Variants in CLGN observed in about 807,000 individuals in gnomAD.
CLGN encodes the protein calmegin, also known as testis tissue sperm-binding protein Li 79P.
In CLGN, 62 loss-of-function variants were observed where a neutral mutation model predicts 79.1. The ratio of observed to expected loss-of-function variants is 0.78; its 90% CI spans 0.64 to 0.97. The LOEUF (loss-of-function observed/expected upper bound fraction) is 0.97. Ranked by LOEUF, CLGN falls within the 50% of genes least tolerant of loss-of-function variation. The pLI is 0.00. For missense variants in CLGN, 647 were observed against 715.5 expected (o/e 0.90, Z 1.09); for synonymous variants, 225 against 224.7 (o/e 1.00, Z -0.01).
chr4:140,409,635 T>C (rs1278798424), intron 4 of CLGN, among the ~76,000 whole-genome samples: 3 of 151,988 alleles, frequency 2.0e-5, no homozygotes, highest in Non-Finnish European at 4.4e-5. Context: ...AAAACTAGAT[T>C]AACTGGCTTA....
intron 8 of CLGN, among the ~76,000 whole-genome samples, 168 bp downstream of exon 8, chr4:140,398,683 G>C (rs1028048975): frequency 6.6e-6 from 1 of 151,888 alleles, no homozygotes; most frequent in African/African-American, 2.4e-5. Context: ...AAAAATTACA[G>C]GGAGGGAAGT....
At chr4:140,422,771 A>G (rs899381046) in intron 1 of CLGN, among the ~76,000 whole-genome samples, 1 of 152,098 alleles carries the variant, frequency 6.6e-6, no homozygotes, top group African/African-American at 2.4e-5. Flanking sequence ...AAGCATCACC[A>G]TGCCCAGCTA....
intron 4 of CLGN, 91 bp from the exon 5 acceptor site, chr4:140,406,174 A>T: frequency 1.6e-6 from 2 of 1,280,060 alleles, no homozygotes; most frequent in Non-Finnish European, 2.2e-6. Flanking sequence ...ATTTTTATCC[A>T]GGAAGCCTGA....
chr4:140,401,161 T>C (rs1384992736), intron 6 of CLGN, among the ~76,000 whole-genome samples: 3 of 152,172 alleles, frequency 2.0e-5, no homozygotes, highest in African/African-American at 7.2e-5. Flanking sequence ...CTCTGAAGTA[T>C]GGAGATGATA....
intron 1 of CLGN, among the ~76,000 whole-genome samples, chr4:140,415,463 G>A (rs1291862883): frequency 2.4e-4 from 37 of 152,024 alleles, no homozygotes; most frequent in East Asian, 9.7e-4. Context: ...CCCATCTCAC[G>A]TGCAGAGACA....
intron 1 of CLGN, among the ~76,000 whole-genome samples, chr4:140,418,762 A>C (rs1008173101): frequency 9.3e-5 from 14 of 149,770 alleles, no homozygotes; most frequent in Admixed American, 7.3e-4. Context: ...GTGGGACTGT[A>C]AACTAGTTCA....
intron 7 of CLGN, among the ~76,000 whole-genome samples, chr4:140,399,245 T>G (rs1728952632): frequency 6.6e-6 from 1 of 152,194 alleles, no homozygotes; most frequent in African/African-American, 2.4e-5. Context: ...TAAACTGCAT[T>G]TTTTACAATA....
At position 140,402,023 on chromosome 4, in the gene CLGN, A is replaced by G. The variant is rs1362788649; in HGVS notation, c.463T>C (p.Tyr155His). 4 of 1,586,048 alleles carry G rather than the reference A, an allele frequency of 2.5e-6. No homozygotes were observed. The highest frequency in any genetic ancestry group is 2.6e-6 in the Non-Finnish European group (3 of 1,163,886). The change falls in exon 6 of 15, where the codon TAC becomes CAC. Residue 155 changes from tyrosine (Y) to histidine (H), a missense_variant. Physicochemically the swap from Tyr to His is moderately conservative, Grantham distance 83. Coordinates refer to ENST00000325617, the MANE Select transcript of CLGN (RefSeq NM_004362.3). ...FQDGIDCGGA[Y>H]IKLLADTDDL... The stretch of plus-strand genomic sequence containing the variant: ...TCAGTGTCTGCTAGGAGTTTAATGT[A>G]TGCACCTCCACAATCAATACCATCT...
chr4:140,391,588 A>G (rs2126613031), intron 13 of CLGN, among the ~76,000 whole-genome samples: 1 of 151,934 alleles, frequency 6.6e-6, no homozygotes, highest in Middle Eastern at 3.4e-3. Flanking sequence ...TGAGTTAAAC[A>G]CTGTGCTTCA....
chr4:140,402,103 T>C, intron 5 of CLGN, 37 bp from the exon 6 acceptor site: 4 of 1,023,668 alleles, frequency 3.9e-6, no homozygotes, highest in Non-Finnish European at 5.8e-6. Flanking sequence ...TACTGATAAA[T>C]AAAATTTACT....
Position 140,413,097 on chromosome 4 carries a change from T to G in CLGN, c.-9-10A>C. The G allele has an allele frequency of 6.3e-7, 1 of 1,597,414 alleles. No individual in the cohort carries two copies. Among genetic ancestry groups the G allele is most frequent in the Non-Finnish European group, 8.5e-7 (1 of 1,173,280 alleles). Reference sequence around the variant, plus strand: ...AATGCATATTGATTATCTGTGAAATTAAAAGTAATTAGTGAAAATAAAACA... The same window carrying G: ...AATGCATATTGATTATCTGTGAAATGAAAAGTAATTAGTGAAAATAAAACA... On this transcript the variant is annotated splice_polypyrimidine_tract_variant and intron_variant, in intron 1 of 14. Transcript: ENST00000325617.
intron 1 of CLGN, among the ~76,000 whole-genome samples, chr4:140,420,035 A>T (rs533540604): frequency 6.6e-6 from 1 of 152,172 alleles, no homozygotes; most frequent in South Asian, 2.1e-4. Flanking sequence ...ACATAAAATA[A>T]TACTACTAAT....
At chr4:140,405,704 T>C (rs1729094177) in intron 5 of CLGN, among the ~76,000 whole-genome samples, 2 of 152,172 alleles carry the variant, frequency 1.3e-5, no homozygotes, top group East Asian at 1.9e-4. Context: ...AATAAACAAA[T>C]ATAAATATTA....
chr4:140,410,278 G>A (rs1729185804), intron 3 of CLGN, among the ~76,000 whole-genome samples: 1 of 151,824 alleles, frequency 6.6e-6, no homozygotes, highest in Non-Finnish European at 1.5e-5. Flanking sequence ...TTTGTCATCT[G>A]AACTTAAGAG....
At chr4:140,423,903 C>T (rs1461384845) in intron 1 of CLGN, among the ~76,000 whole-genome samples, 1 of 152,062 alleles carries the variant, frequency 6.6e-6, no homozygotes, top group Non-Finnish European at 1.5e-5. Context: ...TTTGAGTCTT[C>T]TCTCATTTTT....
intron 1 of CLGN, among the ~76,000 whole-genome samples, chr4:140,424,325 C>T (rs1438306628): frequency 2.0e-5 from 3 of 151,990 alleles, no homozygotes; most frequent in Non-Finnish European, 4.4e-5. Flanking sequence ...TTCTTGTTTT[C>T]CTTCTACTAT....
intron 1 of CLGN, among the ~76,000 whole-genome samples, chr4:140,420,348 T>G (rs1729439795): frequency 6.6e-6 from 1 of 152,156 alleles, no homozygotes; most frequent in South Asian, 2.1e-4. Context: ...CACTTTATCT[T>G]GAAAGTTTGT....
intron 4 of CLGN, among the ~76,000 whole-genome samples, chr4:140,408,055 G>A (rs1413820133): frequency 6.6e-6 from 1 of 151,916 alleles, no homozygotes; most frequent in East Asian, 1.9e-4. Context: ...CTTTGACCAA[G>A]CATACAAAAA....
Position 140,389,221 on chromosome 4 carries a change from A to G in CLGN, c.*3T>C. On this transcript the variant is annotated 3_prime_UTR_variant, in exon 15 of 15. Transcript: ENST00000325617. ...TCGGGAATTAAAAATATTTCAATCT[A>G]GTTTAGTCCTTTCGTACTCTTCTTT... The G allele has an allele frequency of 6.2e-7, 1 of 1,610,368 alleles. No individual in the cohort carries two copies. Among genetic ancestry groups the G allele is most frequent in the Non-Finnish European group, 8.5e-7 (1 of 1,177,176 alleles).
Sources: allele counts gnomAD v4.1 joint callset (sites outside exome capture counted in the v4.1 genomes callset), GRCh38; gene constraint gnomAD v4.1.1; transcripts MANE v1.5; gene names NCBI Gene and HGNC (gene_info 2026-07-23, HGNC 2026-07-21).